The following SHF variants were observed in gnomAD, a reference collection of about 807,000 sequenced individuals.
SHF encodes the protein SH2 domain-containing adapter protein F.
A neutral mutation model predicts 42.4 loss-of-function variants in SHF; 30 were observed. That is an observed-to-expected ratio of 0.71 (90% CI 0.53 to 0.96). The LOEUF (loss-of-function observed/expected upper bound fraction) is 0.96. SHF is among the 40% of genes least tolerant of loss of function. SHF has a pLI of 0.00. For missense variants in SHF, 598 were observed against 634.0 expected (o/e 0.94, Z 0.61); for synonymous variants, 264 against 269.9 (o/e 0.98, Z 0.21).
chr15:45,183,121 T>A (rs1159633595), intron 1 of SHF, among the ~76,000 whole-genome samples: 1 of 152,228 alleles, frequency 6.6e-6, no homozygotes, highest in Non-Finnish European at 1.5e-5. Context: ...CTCTTGTTCA[T>A]TAGCAAATGC....
exon 1 of SHF, chr15:45,201,005 A>T: frequency 2.8e-6 from 1 of 358,782 alleles, no homozygotes; most frequent in Non-Finnish European, 5.6e-6. Flanking sequence ...TAGGGAGTCC[A>T]CAGCGCTCCC....
chr15:45,191,476 T>C (rs907918624), upstream of SHF, among the ~76,000 whole-genome samples: 5 of 152,106 alleles, frequency 3.3e-5, no homozygotes, highest in African/African-American at 1.2e-4. Flanking sequence ...GTGTGAGCCA[T>C]TGCACCCAGC....
At position 45,173,716 on chromosome 15, in the gene SHF, A is replaced by C. The variant is rs563181285; in HGVS notation, c.848T>G (p.Val283Gly). 6.4e-7 allele frequency: 1 copy of C among 1,551,832 alleles called. No homozygotes were observed. The highest frequency in any genetic ancestry group is 1.2e-5 in the South Asian group (1 of 84,058). The change falls in exon 4 of 7, where the codon GTT (valine) becomes GGT (glycine). Residue 283 changes from valine to glycine, a missense_variant and splice_region_variant. By Grantham distance (109) the Val-to-Gly change is moderately radical (BLOSUM62 -3). Transcript: ENST00000690270. The stretch of plus-strand genomic sequence containing the variant: ...TAGGTCTTTGATGACCTTAATGTCA[A>C]CTGGAGCCAGCAGCAGAAGTGAGAA... ...KKERISKAFA[V>G]DIKVIKDLPW... is the part of the protein sequence containing the mutation.
intron 2 of SHF, among the ~76,000 whole-genome samples, chr15:45,194,980 C>A (rs1898822845): frequency 6.6e-6 from 1 of 152,174 alleles, no homozygotes; most frequent in Admixed American, 6.5e-5. Context: ...CAGGCATGCA[C>A]CACCATGCCC....
chr15:45,199,000 A>C, exon 2 of SHF: 10 of 1,611,654 alleles, frequency 6.2e-6, no homozygotes, highest in Non-Finnish European at 8.5e-6. Flanking sequence ...TATGCCCCGG[A>C]GACCCTTGCC....
chr15:45,199,238 C>T (rs1595652415), intron 1 of SHF: 1 of 802,516 alleles, frequency 1.2e-6, no homozygotes, highest in Non-Finnish European at 1.9e-6. Context: ...CCTGACTCCT[C>T]CTTCCGCAAT....
chr15:45,199,057 T>C lies in SHF; in HGVS notation c.18A>G (p.Gly6=), dbSNP rs906452622. Residue 6 remains glycine, a synonymous_variant, in exon 2 of 8, where the codon GGA becomes GGG. Coordinates refer to the SHF transcript ENST00000290894. ...TCCTACAGGGGGCGCTCCTCACGGG[T>C]CCTCCCTCCTGCTGCATCCTCCAGC... 2.5e-6 allele frequency: 4 copies of C among 1,594,304 alleles called. No homozygotes were observed. The African/African-American group carries it at 5.4e-5, about 21-fold the overall frequency.
At chr15:45,176,215 G>A (rs1218816096) in intron 2 of SHF, among the ~76,000 whole-genome samples, 1 of 151,950 alleles carries the variant, frequency 6.6e-6, no homozygotes, top group African/African-American at 2.4e-5. Context: ...GACAAGTTAC[G>A]TTCATCATCA....
chr15:45,171,619 G>T, intron 6 of SHF: 1 of 508,032 alleles, frequency 2.0e-6, no homozygotes, highest in Non-Finnish European at 3.5e-6. Flanking sequence ...TAAGGAAACT[G>T]AGGCCTAGAG....
chr15:45,195,046 G>T (rs1271190948), intron 2 of SHF, among the ~76,000 whole-genome samples: 2 of 151,994 alleles, frequency 1.3e-5, no homozygotes, highest in South Asian at 2.1e-4. Context: ...TGCCCAGGCT[G>T]CTCTCAAACT....
chr15:45,181,750 G>C (rs191254124), intron 1 of SHF, among the ~76,000 whole-genome samples: 44 of 152,272 alleles, frequency 2.9e-4, no homozygotes, highest in Non-Finnish European at 1.5e-4. Flanking sequence ...AGACTCTGGC[G>C]CAAAGGCCAA....
exon 2 of SHF, chr15:45,198,802 G>C (rs377032208): frequency 6.2e-6 from 10 of 1,613,776 alleles, no homozygotes; most frequent in Non-Finnish European, 7.6e-6. Flanking sequence ...CCCTGAGTCT[G>C]ATAATGCGCA....
At chr15:45,198,676 G>A in intron 2 of SHF, 3 of 1,475,668 alleles carry the variant, frequency 2.0e-6, no homozygotes, top group South Asian at 2.6e-5. Context: ...TACGATCACG[G>A]CGAGCTACCG....
At chr15:45,184,083 A>C (rs760598782) in intron 1 of SHF, among the ~76,000 whole-genome samples, 6 of 152,198 alleles carry the variant, frequency 3.9e-5, no homozygotes, top group Non-Finnish European at 8.8e-5. Context: ...GCAAACAAAC[A>C]AACCCCAAAA....
At chr15:45,172,039 G>T in intron 5 of SHF, 37 bp from the exon 6 acceptor site, 1 of 1,613,788 alleles carries the variant, frequency 6.2e-7, no homozygotes, top group Non-Finnish European at 8.5e-7. Context: ...CATCTCTGCT[G>T]GGTCCCTCGC....
chr15:45,198,840 T>G, exon 2 of SHF: 1 of 1,613,942 alleles, frequency 6.2e-7, no homozygotes, highest in Non-Finnish European at 8.5e-7. Context: ...CAGTTGCTTT[T>G]CTTCTTCTGT....
Position 45,187,760 on chromosome 15 carries a change from TCCGCCGCCGCCCCCC to T in SHF, c.177_191del (p.Gly62_Gly66del). ...CGGGGGGCGCCGGCTTGCTGCCCCC[TCCGCCGCCGCCCCCC>T]CCGCGGAAGCCCAGGTGCTCCCGGA... On this transcript the variant is annotated inframe_deletion, in exon 1 of 7. Transcript: ENST00000690270. 4 of 943,660 alleles carry T rather than the reference TCCGCCGCCGCCCCCC, an allele frequency of 4.2e-6. No individual in the cohort carries two copies. Among genetic ancestry groups the T allele is most frequent in the African/African-American group, 1.7e-5 (1 of 57,410 alleles). 58.5% of individuals were successfully genotyped at this position (943,660 alleles called of 1,614,324 possible).
At chr15:45,176,780 C>T (rs2141366132) in intron 2 of SHF, among the ~76,000 whole-genome samples, 1 of 152,260 alleles carries the variant, frequency 6.6e-6, no homozygotes, top group South Asian at 2.1e-4. Flanking sequence ...AAATGTGCTC[C>T]CATATTTTCA....
Position 45,172,225 on chromosome 15 carries a change from G to A in SHF, c.1082C>T (p.Ser361Leu), listed in dbSNP as rs777906297. The A allele has an allele frequency of 1.9e-6, 3 of 1,613,892 alleles. No homozygotes were observed. The East Asian group carries it at 6.7e-5, about 36-fold the overall frequency. ...PPRLSAGNPK[S>L]AKPLSMEPSS... ...GGGCTCCATGCTTAGGGGTTTGGCTGACTTGGGGTTCCCTGCAGAGAGTCG... is the reference window on the plus strand; with the variant it reads ...GGGCTCCATGCTTAGGGGTTTGGCTAACTTGGGGTTCCCTGCAGAGAGTCG... Residue 361 changes from serine (S) to leucine (L), a missense_variant, in exon 5 of 7, where the codon TCA becomes TTA. Physicochemically the swap from Ser to Leu is moderately radical, Grantham distance 145 (BLOSUM62 -2). This residue lies in a region of SHF where 439 missense variants were observed against 524.6 expected (regional missense o/e 0.84). Transcript: ENST00000690270.
Sources: gnomAD v4.1 joint callset for allele counts (sites outside exome capture counted in the v4.1 genomes callset) on GRCh38, gnomAD v4.1.1 for gene constraint, gnomAD v4.1.1 regional missense constraint, MANE v1.5 for transcripts, NCBI Gene and HGNC (gene_info 2026-07-23, HGNC 2026-07-21) for gene names.